The following MICU2 variants were observed in gnomAD, a reference collection of about 807,000 sequenced individuals.
The protein encoded by MICU2 is mitochondrial calcium uptake 2.
MICU2 carries 64 observed loss-of-function variants against 60.4 expected under a neutral mutation model. That is an observed-to-expected ratio of 1.06 (90% CI 0.87 to 1.31). The LOEUF (loss-of-function observed/expected upper bound fraction) is 1.31, where lower values mean the gene tolerates loss of function less well. Ranked by LOEUF, MICU2 falls within the 50% of genes most tolerant of loss-of-function variation. The pLI, the probability that MICU2 is intolerant of heterozygous loss-of-function variation, is 0.00. For synonymous variants in MICU2, 201 were observed against 175.0 expected, an observed-to-expected ratio of 1.15 and a Z score of -1.17; for missense variants, 569 against 531.0, an observed-to-expected ratio of 1.07 and a Z score of -0.70.
At chr13:21,538,520 C>T (rs1451757303) in intron 4 of MICU2, among the ~76,000 whole-genome samples, 4 of 143,212 alleles carry the variant, frequency 2.8e-5, no homozygotes, top group Admixed American at 7.4e-5. Flanking sequence ...GCTATGACTG[C>T]GCCACTGCAC....
intron 2 of MICU2, among the ~76,000 whole-genome samples, chr13:21,540,701 T>C (rs1887260067): frequency 6.6e-6 from 1 of 152,174 alleles, no homozygotes; most frequent in Non-Finnish European, 1.5e-5. Flanking sequence ...TTAGGTGTTG[T>C]TATTTTGGGA....
At chr13:21,526,627 G>A (rs1274146805) in intron 4 of MICU2, among the ~76,000 whole-genome samples, 3 of 151,988 alleles carry the variant, frequency 2.0e-5, no homozygotes, top group Admixed American at 6.6e-5. Flanking sequence ...AGGCATTTAC[G>A]GAGTTTAGAT....
intron 4 of MICU2, among the ~76,000 whole-genome samples, chr13:21,523,071 C>CT (rs1886758708): frequency 6.6e-6 from 1 of 152,102 alleles, no homozygotes; most frequent in South Asian, 2.1e-4. Flanking sequence ...CCCTTTTTTT[C>CT]TGCCTCACTT....
intron 6 of MICU2, among the ~76,000 whole-genome samples, chr13:21,517,791 A>ACGCGCGCG (rs1318389251): frequency 1.0e-5 from 1 of 97,948 alleles, no homozygotes; most frequent in African/African-American, 3.8e-5. Flanking sequence ...ACACACACAC[A>ACGCGCGCG]CACACACACG....
chr13:21,537,218 A>G (rs972598156), intron 4 of MICU2, among the ~76,000 whole-genome samples: 52 of 152,082 alleles, frequency 3.4e-4, no homozygotes, highest in African/African-American at 1.2e-3. Context: ...CTTGCTCCTA[A>G]CACTGTTAAC....
At chr13:21,572,943 C>CAA (rs5802121) in intron 1 of MICU2, among the ~76,000 whole-genome samples, 46,218 of 143,242 alleles carry the variant, frequency 0.32, 7,586 homozygotes, top group Non-Finnish European at 0.4. Flanking sequence ...GTAAATAATA[C>CAA]AAAAAAAAAA....
At chr13:21,568,273 TTC>T (rs1461296240) in intron 1 of MICU2, among the ~76,000 whole-genome samples, 6 of 152,166 alleles carry the variant, frequency 3.9e-5, no homozygotes, top group African/African-American at 9.7e-5. Flanking sequence ...CCAGTATTAA[TTC>T]TCTCTCTTAA....
Position 21,493,159 on chromosome 13 carries a change from A to G in MICU2, c.*90T>C. 1 of 700,476 alleles carries G rather than the reference A, an allele frequency of 1.4e-6. No individual in the cohort carries two copies. The highest frequency in any genetic ancestry group is 2.3e-5 in the South Asian group (1 of 44,078). The allele number at this position is 700,476 out of a possible 1,614,324, so 43.4% of individuals were successfully genotyped here. On this transcript the variant is annotated 3_prime_UTR_variant, in exon 12 of 12. Transcript: ENST00000382374. ...CTTATTTCACACAGAATATCAATGA[A>G]GACTTAAGAAGATAAATAGCAAGTA... is the stretch of plus-strand genomic sequence containing the variant.
At chr13:21,576,958 A>T (rs1888240643) in intron 1 of MICU2, among the ~76,000 whole-genome samples, 1 of 152,260 alleles carries the variant, frequency 6.6e-6, no homozygotes, top group Admixed American at 6.5e-5. Context: ...AAAAATTTTA[A>T]AACTTTCAGG....
chr13:21,599,630 ATTTATCT>A (rs1290490559), intron 1 of MICU2, among the ~76,000 whole-genome samples: 1 of 152,190 alleles, frequency 6.6e-6, no homozygotes, highest in Non-Finnish European at 1.5e-5. Flanking sequence ...GTCTTTACGA[ATTTATCT>A]TTTAAATGTC....
chr13:21,538,309 C>A (rs1346593754), intron 4 of MICU2, among the ~76,000 whole-genome samples: 1 of 152,016 alleles, frequency 6.6e-6, no homozygotes, highest in Non-Finnish European at 1.5e-5. Flanking sequence ...GTGGCTCATG[C>A]CTGTAATCCC....
intron 7 of MICU2, among the ~76,000 whole-genome samples, chr13:21,510,770 G>A (rs554493929): frequency 6.0e-5 from 9 of 150,262 alleles, no homozygotes; most frequent in Non-Finnish European, 8.8e-5. Context: ...CCCCGACCCC[G>A]CTTCTCAGAA....
At chr13:21,567,049 C>T (rs1476226070) in intron 1 of MICU2, 105 bp from the exon 2 acceptor site, 1 of 931,340 alleles carries the variant, frequency 1.1e-6, no homozygotes, top group Non-Finnish European at 1.5e-6. Flanking sequence ...CTGACAATCC[C>T]CAAACTTTTA....
Position 21,521,237 on chromosome 13 carries a change from C to A in MICU2, c.597+8G>T. ...ATGATAAACCTAAAATAATTAGCGT[C>A]CACTTACCTTAAAAAATTCCCTTTT... On this transcript the variant is annotated splice_region_variant and intron_variant, in intron 6 of 11. Coordinates refer to ENST00000382374, the MANE Select transcript of MICU2 (RefSeq NM_152726.3). 6.3e-7 allele frequency: 1 copy of A among 1,584,584 alleles called. No homozygotes were observed.
chr13:21,602,969 CT>C (rs11291826), intron 1 of MICU2, among the ~76,000 whole-genome samples: 93,059 of 134,400 alleles, frequency 0.69, 32,306 homozygotes, highest in Non-Finnish European at 0.79. Context: ...GAACTTGAAT[CT>C]TTTTTTTTTT....
chr13:21,495,552 A>C, intron 10 of MICU2: 1 of 403,622 alleles, frequency 2.5e-6, no homozygotes, highest in Non-Finnish European at 4.4e-6. Flanking sequence ...CTAAACATAT[A>C]TTTGAGATGA....
In MICU2 at chr13:21,493,288, T is replaced by C. The variant is rs1885906252; in HGVS notation, c.1266A>G (p.Val422=). The C allele has an allele frequency of 6.2e-7, 1 of 1,611,136 alleles. No homozygotes were observed. Among genetic ancestry groups the C allele is most frequent in the African/African-American group, 1.3e-5 (1 of 74,860 alleles). ...TTCCAGCTTGTTTCCAGACTTCTTT[T>C]ACTCCTTTAATGCTTTCTTTCTTCA... ...KCVKKESIKG[V]KEVWKQAGKG... is the part of the protein sequence containing the mutation. The change falls in exon 12 of 12, where the codon GTA becomes GTG. Residue 422 remains valine (V), a synonymous_variant. Transcript: ENST00000382374.
intron 6 of MICU2, among the ~76,000 whole-genome samples, chr13:21,514,693 C>T (rs961033317): frequency 4.8e-5 from 7 of 144,448 alleles, no homozygotes; most frequent in East Asian, 2.9e-4. Flanking sequence ...CCACCACTCC[C>T]GTTAATTTTT....
At chr13:21,543,078 T>C (rs1887322759) in intron 2 of MICU2, among the ~76,000 whole-genome samples, 1 of 152,230 alleles carries the variant, frequency 6.6e-6, no homozygotes, top group Non-Finnish European at 1.5e-5. Context: ...GCATCAATAT[T>C]AGAATCAGCC....
Sources: gnomAD v4.1 joint callset for allele counts (sites outside exome capture counted in the v4.1 genomes callset) on GRCh38, gnomAD v4.1.1 for gene constraint, MANE v1.5 for transcripts, NCBI Gene and HGNC (gene_info 2026-07-23, HGNC 2026-07-21) for gene names.